PPP1R12C: variants seen among roughly 807,000 people sequenced by gnomAD.
PPP1R12C encodes leukocyte receptor cluster (LRC) encoded novel gene 3.
In PPP1R12C, 48 loss-of-function variants were observed where a neutral mutation model predicts 95.6. The ratio of observed to expected loss-of-function variants is 0.50; its 90% CI spans 0.40 to 0.64. The LOEUF is 0.64. PPP1R12C is among the 30% of genes least tolerant of loss of function. PPP1R12C has a pLI of 0.00. For synonymous variants in PPP1R12C, 480 were observed against 460.8 expected (o/e 1.04, Z -0.53); for missense variants, 1,057 against 1,083.3 (o/e 0.98, Z 0.34).
chr19:55,102,032 A>G (rs2084984974), intron 4 of PPP1R12C, among the ~76,000 whole-genome samples: 1 of 152,164 alleles, frequency 6.6e-6, no homozygotes, highest in African/African-American at 2.4e-5. Context: ...CTTCATTTTT[A>G]TACTAAATAA....
At chr19:55,096,644 G>A (rs1350373769) in intron 6 of PPP1R12C, among the ~76,000 whole-genome samples, 1 of 151,976 alleles carries the variant, frequency 6.6e-6, no homozygotes, top group African/African-American at 2.4e-5. Context: ...ACCTCACCCC[G>A]ACCCCTCAGC....
At chr19:55,104,335 A>G (rs953856399) in intron 3 of PPP1R12C, among the ~76,000 whole-genome samples, 13 of 150,350 alleles carry the variant, frequency 8.6e-5, no homozygotes, top group Non-Finnish European at 1.9e-4. Context: ...ACCTATATAT[A>G]TATCTCTCCT....
At chr19:55,115,312 G>T (rs914826028) in intron 1 of PPP1R12C, 1 of 152,114 alleles carries the variant, frequency 6.6e-6, no homozygotes, top group Non-Finnish European at 1.5e-5. Context: ...ACGCACGGAG[G>T]AACAATATAA....
intron 1 of PPP1R12C, 125 bp downstream of exon 1, chr19:55,117,098 G>T: frequency 1.2e-6 from 1 of 825,302 alleles, no homozygotes; most frequent in Non-Finnish European, 1.6e-6. Context: ...TCAGCATAGG[G>T]TGGCAAAGCC....
chr19:55,092,924 G>C (rs997786327), intron 15 of PPP1R12C, 56 bp from the exon 16 acceptor site: 2 of 1,588,562 alleles, frequency 1.3e-6, no homozygotes, highest in African/African-American at 2.7e-5. Context: ...CTCGGTGCCT[G>C]GGTCCCCGGG....
At chr19:55,092,683 G>T in intron 16 of PPP1R12C, 21 bp from the exon 17 acceptor site, 2 of 1,526,326 alleles carry the variant, frequency 1.3e-6, no homozygotes, top group Non-Finnish European at 8.8e-7. Context: ...GTAGACGGGG[G>T]TTCAATGGGT....
intron 4 of PPP1R12C, among the ~76,000 whole-genome samples, chr19:55,101,513 C>T (rs1177658446): frequency 6.6e-6 from 1 of 152,206 alleles, no homozygotes; most frequent in Non-Finnish European, 1.5e-5. Flanking sequence ...AAATGGGATG[C>T]TGGCGTTAAG....
intron 6 of PPP1R12C, among the ~76,000 whole-genome samples, chr19:55,097,903 G>T (rs908699491): frequency 1.3e-5 from 2 of 151,916 alleles, no homozygotes; most frequent in Non-Finnish European, 2.9e-5. Flanking sequence ...CATGCTCCTC[G>T]CCTGGCACTC....
At chr19:55,097,440 GCC>G (rs1210136101) in intron 6 of PPP1R12C, among the ~76,000 whole-genome samples, 2 of 64,582 alleles carry the variant, frequency 3.1e-5, no homozygotes, top group Non-Finnish European at 5.4e-5. Context: ...CACCGTCTTC[GCC>G]CCTTCTCCGC....
intron 3 of PPP1R12C, among the ~76,000 whole-genome samples, chr19:55,107,170 T>C (rs1353959077): frequency 3.3e-5 from 5 of 151,796 alleles, no homozygotes; most frequent in Non-Finnish European, 5.9e-5. Flanking sequence ...TCCCAGCACT[T>C]TGGGGGGCCG....
In PPP1R12C at chr19:55,103,476, G is replaced by A. The variant is rs142523925; in HGVS notation, c.664C>T (p.Arg222Trp). Reference sequence around the variant, plus strand: ...GCAGAGGCGCCTGTGCGGGGGTGCCGGGCCTCTGGCATGGCGCCCCCATTC... The same window carrying A: ...GCAGAGGCGCCTGTGCGGGGGTGCCAGGCCTCTGGCATGGCGCCCCCATTC... ...WLNGGAMPEARHPRTGASALH... is the reference protein window; with the variant it reads ...WLNGGAMPEAWHPRTGASALH... The change falls in exon 4 of 22, where the codon CGG becomes TGG. Residue 222 changes from arginine (R) to tryptophan (W), a missense_variant. Arg to Trp is a moderately radical substitution (Grantham distance 101, BLOSUM62 -3). This residue lies in a region of PPP1R12C where 282 missense variants were observed against 380.4 expected (regional missense o/e 0.74). Transcript: ENST00000263433. 40 of 1,599,384 alleles carry A rather than the reference G, an allele frequency of 2.5e-5. No homozygotes were observed. The highest frequency in any genetic ancestry group is 6.7e-5 in the South Asian group (6 of 89,972).
intron 6 of PPP1R12C, among the ~76,000 whole-genome samples, 173 bp downstream of exon 6, chr19:55,098,611 C>T (rs886624771): frequency 2.6e-5 from 4 of 152,246 alleles, no homozygotes; most frequent in South Asian, 2.1e-4. Context: ...TGTCCTGCCC[C>T]GGCTGGGGGT....
Position 55,109,347 on chromosome 19 carries a change from C to A in PPP1R12C, c.571+3120G>T, listed in dbSNP as rs1406406996. On this transcript the variant is annotated intron_variant, in intron 3 of 21. Transcript: ENST00000263433. The surrounding 1 kb of genome is among the most constrained non-coding windows in gnomAD (Gnocchi z 4.4). ...TCCTGGGCTCAAGAGATCCTCCCAT[C>A]TTGGCCTCCCAAAGTGCTGGGCTTA... 6.6e-6 allele frequency among the ~76,000 whole-genome samples: 1 copy of A among 152,234 alleles called. No individual in the cohort carries two copies. Among genetic ancestry groups the A allele is most frequent in the Non-Finnish European group, 1.5e-5 (1 of 68,044 alleles).
intron 3 of PPP1R12C, chr19:55,111,386 T>C (rs898026472): frequency 1.4e-4 from 22 of 152,204 alleles, no homozygotes; most frequent in African/African-American, 4.1e-4. Flanking sequence ...GAAAGTCATA[T>C]GGGTAGTCAC....
At position 55,101,406 on chromosome 19, in the gene PPP1R12C, C is replaced by G. The variant is rs543774506; in HGVS notation, c.731+2003G>C. Among the ~76,000 whole-genome samples the G allele has an allele frequency of 7.2e-5, 11 of 152,276 alleles. No individual in the cohort carries two copies. The South Asian group carries it at 2.3e-3, about 32-fold the overall frequency. ...CCATTTCTCCCTCTACTAACAGTAC[C>G]CACACAGGCCCCCTGGCCGGACACA... On this transcript the variant is annotated intron_variant, in intron 4 of 21. Transcript: ENST00000263433.
In PPP1R12C at chr19:55,091,152, G is replaced by C. The variant is rs2084834384; in HGVS notation, c.*320C>G. 1 of 400,910 alleles carries C rather than the reference G, an allele frequency of 2.5e-6. No homozygotes were observed. Among genetic ancestry groups the C allele is most frequent in the South Asian group, 2.6e-5 (1 of 38,198 alleles). The allele number at this position is 400,910 out of a possible 1,614,324, so 24.8% of individuals were successfully genotyped here. On this transcript the variant is annotated 3_prime_UTR_variant, in exon 22 of 22. Coordinates refer to ENST00000263433, the MANE Select transcript of PPP1R12C (RefSeq NM_017607.4). ...ACGGGGTGGCATCACACGTGAGATG[G>C]GGACCTCCAGGCGGCCACTCTGGTC... is the stretch of plus-strand genomic sequence containing the variant.
intron 11 of PPP1R12C, chr19:55,095,083 G>A (rs2084894635): frequency 5.7e-6 from 4 of 705,462 alleles, no homozygotes; most frequent in Non-Finnish European, 7.2e-6. Flanking sequence ...TGTGCACCTC[G>A]GGGTGGGGGG....
intron 4 of PPP1R12C, among the ~76,000 whole-genome samples, chr19:55,100,117 G>A (rs972237020): frequency 2.0e-5 from 3 of 152,128 alleles, no homozygotes; most frequent in South Asian, 2.1e-4. Flanking sequence ...GCTCTCAGCC[G>A]GGCAGTGTTC....
chr19:55,106,082 C>T (rs2085035423), intron 3 of PPP1R12C, among the ~76,000 whole-genome samples: 1 of 152,164 alleles, frequency 6.6e-6, no homozygotes, highest in Non-Finnish European at 1.5e-5. Context: ...CATTCCCATT[C>T]ATTCACACAC....
Sources: allele counts gnomAD v4.1 joint callset (sites outside exome capture counted in the v4.1 genomes callset), GRCh38; gene constraint gnomAD v4.1.1; regional missense constraint gnomAD v4.1.1; non-coding constraint Gnocchi (gnomAD v3.1); transcripts MANE v1.5; gene names NCBI Gene and HGNC (gene_info 2026-07-23, HGNC 2026-07-21).